PLIN2: variants seen among roughly 807,000 people sequenced by gnomAD.
PLIN2 encodes the protein perilipin 2.
PLIN2 carries 33 observed loss-of-function variants against 30.6 expected under a neutral mutation model. The observed-to-expected ratio is 1.08, with a 90% CI of 0.82 to 1.44. The LOEUF (loss-of-function observed/expected upper bound fraction) is 1.44. Ranked by LOEUF, PLIN2 falls within the 40% of genes most tolerant of loss-of-function variation. The pLI is 0.00. For synonymous variants in PLIN2, 205 were observed against 201.1 expected, an observed-to-expected ratio of 1.02 and a Z score of -0.16; for missense variants, 610 against 531.8, an observed-to-expected ratio of 1.15 and a Z score of -1.45.
intron 1 of PLIN2, 82 bp from the exon 2 acceptor site, chr9:19,126,530 A>C: frequency 3.3e-6 from 3 of 898,042 alleles, no homozygotes; most frequent in Non-Finnish European, 5.4e-6. Flanking sequence ...TGCTGATTAC[A>C]AGTAGAGAAA....
intron 7 of PLIN2, among the ~76,000 whole-genome samples, chr9:19,117,860 ACCCGCCTCGGC>A (rs1818254211): frequency 6.6e-6 from 1 of 151,224 alleles, no homozygotes; most frequent in Admixed American, 6.6e-5. Flanking sequence ...CTCGTGATCT[ACCCGCCTCGGC>A]CTCCCAAAGT....
In PLIN2 at chr9:19,115,931, A is replaced by C; in HGVS notation, c.*317T>G. 4.9e-6 allele frequency: 1 copy of C among 204,030 alleles called. No homozygotes were observed. The highest frequency in any genetic ancestry group is 5.3e-5 in the Admixed American group (1 of 18,732). The allele number at this position is 204,030 out of a possible 1,614,324, so 12.6% of individuals were successfully genotyped here. A position where few individuals can be genotyped will look rare whatever the true frequency, so the allele number is the denominator to read the frequency against. On this transcript the variant is annotated 3_prime_UTR_variant, in exon 8 of 8. Transcript: ENST00000276914. ...CCAGTTTCTACCCCAGCCCACATGA[A>C]GATGTTTTTATTCAATACAAACAGT...
chr9:19,115,263 G>A (rs955596671), downstream of PLIN2, among the ~76,000 whole-genome samples: 1 of 151,578 alleles, frequency 6.6e-6, no homozygotes, highest in Non-Finnish European at 1.5e-5. Flanking sequence ...CTGTTATCAA[G>A]CATCCTATTT....
downstream of PLIN2, among the ~76,000 whole-genome samples, chr9:19,113,709 G>A (rs114609905): frequency 5.6e-3 from 849 of 151,602 alleles, 2 homozygotes; most frequent in African/African-American, 0.019. Flanking sequence ...AAGTAGCTGG[G>A]GTTACAGGTG....
At chr9:19,120,811 T>G (rs1818302006) in intron 5 of PLIN2, 69 bp downstream of exon 5, 1 of 1,222,096 alleles carries the variant, frequency 8.2e-7, no homozygotes, top group Non-Finnish European at 1.2e-6. Flanking sequence ...AAGATGAGAG[T>G]ATATGTCAAT....
chr9:19,124,758 C>G (rs1419926961), intron 3 of PLIN2, among the ~76,000 whole-genome samples: 1 of 152,128 alleles, frequency 6.6e-6, no homozygotes, highest in African/African-American at 2.4e-5. Flanking sequence ...AAAACATGTC[C>G]ACACAAAAAC....
chr9:19,123,499 G>C (rs779209619), intron 4 of PLIN2, 66 bp downstream of exon 4: 7 of 1,611,638 alleles, frequency 4.3e-6, no homozygotes, highest in Non-Finnish European at 5.1e-6. Context: ...TGTACAGCTT[G>C]TTTTAACAGA....
At chr9:19,123,960 A>G (rs117561316) in intron 3 of PLIN2, among the ~76,000 whole-genome samples, 1 of 150,098 alleles carries the variant, frequency 6.7e-6, no homozygotes, top group East Asian at 2.0e-4. Context: ...CAGGGGTTCC[A>G]GTGAGCCAAG....
exon 3 of PLIN2, chr9:19,108,585 A>G (rs1438248422): frequency 6.6e-6 from 1 of 152,658 alleles, no homozygotes; most frequent in Non-Finnish European, 1.5e-5. Context: ...TGCGTATTCA[A>G]CCAAAAGGGG....
chr9:19,125,543 C>G (rs1363451071), intron 3 of PLIN2: 1 of 152,474 alleles, frequency 6.6e-6, no homozygotes, highest in East Asian at 1.9e-4. Context: ...ATCTAGACCT[C>G]CCAAAGTGCT....
chr9:19,121,318 G>C (rs1331936876), intron 4 of PLIN2, among the ~76,000 whole-genome samples, 153 bp from the exon 5 acceptor site: 1 of 152,156 alleles, frequency 6.6e-6, no homozygotes, highest in African/African-American at 2.4e-5. Flanking sequence ...ACTAAGAGTT[G>C]ATGAGCCTGA....
chr9:19,110,857 T>C (rs970703025), downstream of PLIN2, among the ~76,000 whole-genome samples: 1 of 152,194 alleles, frequency 6.6e-6, no homozygotes, highest in Non-Finnish European at 1.5e-5. Flanking sequence ...AAGTATATTA[T>C]GTATCAAGAC....
At chr9:19,123,226 G>T in intron 4 of PLIN2, 1 of 852,490 alleles carries the variant, frequency 1.2e-6, no homozygotes, top group East Asian at 2.7e-5. Flanking sequence ...CAAGCCAGGT[G>T]AGAAAAGGTT....
chr9:19,113,930 A>G (rs1818188925), downstream of PLIN2, among the ~76,000 whole-genome samples: 1 of 151,918 alleles, frequency 6.6e-6, no homozygotes. Context: ...GCACGCCCCC[A>G]TGCCCAGCTA....
chr9:19,121,697 T>A (rs1203129226), intron 4 of PLIN2, among the ~76,000 whole-genome samples: 1 of 152,108 alleles, frequency 6.6e-6, no homozygotes, highest in Non-Finnish European at 1.5e-5. Flanking sequence ...TTTGCAAAGC[T>A]GAGTTGGTTG....
At position 19,120,815 on chromosome 9, in the gene PLIN2, T is replaced by C. The variant is rs1215455595; in HGVS notation, c.595+65A>G. 3.9e-6 allele frequency: 5 copies of C among 1,277,414 alleles called. No homozygotes were observed. In the African/African-American group the frequency reaches 4.4e-5, roughly 11 times the overall value. 79.1% of individuals were successfully genotyped at this position (1,277,414 alleles called of 1,614,324 possible). ...AATTTAGACTCAAGATGAGAGTATA[T>C]GTCAATGAAGCTGTTTAAGAAAGAT... On this transcript the variant is annotated intron_variant, in intron 5 of 7. Coordinates refer to ENST00000276914, the MANE Select transcript of PLIN2 (RefSeq NM_001122.4).
At chr9:19,118,476 C>T in intron 6 of PLIN2, 21 bp from the exon 7 acceptor site, 2 of 1,606,746 alleles carry the variant, frequency 1.2e-6, no homozygotes, top group South Asian at 1.1e-5. Context: ...TGAAACAAGA[C>T]AAAGGAACAC....
At chr9:19,117,151 CTTTCT>C (rs1173020283) in intron 7 of PLIN2, among the ~76,000 whole-genome samples, 1 of 151,694 alleles carries the variant, frequency 6.6e-6, no homozygotes, top group Non-Finnish European at 1.5e-5. Flanking sequence ...TTTCTTCTTT[CTTTCT>C]TTTCTTTTCT....
chr9:19,121,520 A>AG (rs967393941), intron 4 of PLIN2, among the ~76,000 whole-genome samples: 6 of 133,824 alleles, frequency 4.5e-5, no homozygotes, highest in African/African-American at 1.7e-4. Flanking sequence ...AGAAGAGAAA[A>AG]GAAAAAAAAA....
Sources: allele counts gnomAD v4.1 joint callset (sites outside exome capture counted in the v4.1 genomes callset), GRCh38; gene constraint gnomAD v4.1.1; transcripts MANE v1.5; gene names NCBI Gene and HGNC (gene_info 2026-07-23, HGNC 2026-07-21).